Variants in ZSCAN23 observed in about 807,000 individuals in gnomAD.
The protein encoded by ZSCAN23 is zinc finger and SCAN domain containing 23.
A neutral mutation model predicts 19.3 loss-of-function variants in ZSCAN23; 19 were observed. The ratio of observed to expected loss-of-function variants is 0.99; its 90% confidence interval spans 0.69 to 1.45. The LOEUF is 1.45. Ranked by LOEUF, ZSCAN23 falls within the 40% of genes most tolerant of loss-of-function variation. The pLI is 0.00. For synonymous variants in ZSCAN23, 140 were observed against 166.2 expected, an observed-to-expected ratio of 0.84 and a Z score of 1.21; for missense variants, 372 against 462.5, an observed-to-expected ratio of 0.80 and a Z score of 1.79.
intron 1 of ZSCAN23, among the ~76,000 whole-genome samples, chr6:28,436,877 G>C (rs1761900565): frequency 6.6e-6 from 1 of 152,192 alleles, no homozygotes; most frequent in African/African-American, 2.4e-5. Context: ...TAGGTTTAAA[G>C]TGTGTAAGGT....
intron 1 of ZSCAN23, among the ~76,000 whole-genome samples, chr6:28,438,424 A>G (rs1761936109): frequency 6.6e-6 from 1 of 152,228 alleles, no homozygotes; most frequent in Non-Finnish European, 1.5e-5. Flanking sequence ...AGGTGTTGAC[A>G]TGCATTGTGA....
chr6:28,440,783 T>G (rs1761984022), intron 1 of ZSCAN23, among the ~76,000 whole-genome samples: 1 of 152,176 alleles, frequency 6.6e-6, no homozygotes, highest in Non-Finnish European at 1.5e-5. Context: ...TTTATACAGT[T>G]TCCCAAATAC....
the ZSCAN23 span, among the ~76,000 whole-genome samples, chr6:28,422,266 T>G: frequency 6.6e-6 from 1 of 152,048 alleles, no homozygotes; most frequent in Non-Finnish European, 1.5e-5. The surrounding 1 kb of genome is among the most constrained non-coding windows in gnomAD (Gnocchi z 4.0). Flanking sequence ...TTATGGCTTT[T>G]AGTTGGTAGT....
At chr6:28,441,345 G>T (rs1417512144) in intron 1 of ZSCAN23, among the ~76,000 whole-genome samples, 3 of 152,144 alleles carry the variant, frequency 2.0e-5, no homozygotes, top group Non-Finnish European at 4.4e-5. Flanking sequence ...CTCCACTCTT[G>T]GTTTCCTCTA....
At chr6:28,441,433 C>T (rs1394207457) in intron 1 of ZSCAN23, among the ~76,000 whole-genome samples, 1 of 152,160 alleles carries the variant, frequency 6.6e-6, no homozygotes, top group Non-Finnish European at 1.5e-5. Context: ...ATCCCTGCGC[C>T]ATGAGCTTGG....
At position 28,436,316 on chromosome 6, in the gene ZSCAN23, T is replaced by A; in HGVS notation, c.-50A>T. ...TAATCTATTCTTGATAATTCTCCCT[T>A]GATCTTTTCTTCTGGAAACCCCGAG... On this transcript the variant is annotated 5_prime_UTR_variant, in exon 2 of 4. Coordinates refer to ENST00000289788, the MANE Select transcript of ZSCAN23 (RefSeq NM_001012455.2). 7.0e-7 allele frequency: 1 copy of A among 1,436,026 alleles called. No homozygotes were observed. 89.0% of individuals were successfully genotyped at this position (1,436,026 alleles called of 1,614,324 possible). A position where few individuals can be genotyped will look rare whatever the true frequency, so the allele number is the denominator to read the frequency against.
At chr6:28,442,495 C>T (rs555100807) in intron 1 of ZSCAN23, among the ~76,000 whole-genome samples, 1 of 152,280 alleles carries the variant, frequency 6.6e-6, no homozygotes, top group East Asian at 1.9e-4. Context: ...ACCAATAAAA[C>T]GGCTGTTTCA....
Position 28,434,804 on chromosome 6 carries a change from A to T in ZSCAN23, c.831T>A (p.Tyr277Ter). 6.3e-7 allele frequency: 1 copy of T among 1,599,394 alleles called. No homozygotes were observed. Among genetic ancestry groups the T allele is most frequent in the African/African-American group, 1.3e-5 (1 of 74,688 alleles). ...AGGCCCGCCCACACTCATCACATTCATAAGGCTTCTCACCTGTGTGTGTTC... is the reference window on the plus strand; with the variant it reads ...AGGCCCGCCCACACTCATCACATTCTTAAGGCTTCTCACCTGTGTGTGTTC... ...HQRTHTGEKP[Y>*]ECDECGRAFS... Residue 277 changes from tyrosine (Y) to a stop codon, truncating the protein, a stop_gained, in exon 4 of 4, where the codon TAT becomes TAA. Transcript: ENST00000289788. LOFTEE classifies it low-confidence loss of function (END_TRUNC).
chr6:28,426,160 T>C, the ZSCAN23 span, among the ~76,000 whole-genome samples: 1 of 152,226 alleles, frequency 6.6e-6, no homozygotes, highest in African/African-American at 2.4e-5. Flanking sequence ...ATGTGTTCAG[T>C]GGAGTGGTTT....
chr6:28,438,344 G>GC (rs1761934721), intron 1 of ZSCAN23, among the ~76,000 whole-genome samples: 1 of 152,036 alleles, frequency 6.6e-6, no homozygotes, highest in Non-Finnish European at 1.5e-5. Flanking sequence ...TGATCCACCC[G>GC]CCTTGGCCTC....
At chr6:28,441,431 G>A (rs568484065) in intron 1 of ZSCAN23, among the ~76,000 whole-genome samples, 12 of 152,094 alleles carry the variant, frequency 7.9e-5, no homozygotes, top group African/African-American at 2.9e-4. Flanking sequence ...TCATCCCTGC[G>A]CCATGAGCTT....
chr6:28,435,764 T>C (rs75309204), intron 2 of ZSCAN23, 95 bp downstream of exon 2: 2 of 1,305,160 alleles, frequency 1.5e-6, no homozygotes, highest in Non-Finnish European at 2.0e-6. Context: ...AAGTCTGGCA[T>C]AAAAAAAAAA....
Position 28,433,930 on chromosome 6 carries a change from C to T in ZSCAN23, c.*535G>A, listed in dbSNP as rs1761814715. The T allele has an allele frequency of 6.6e-6, 1 of 152,042 alleles. No individual in the cohort carries two copies. The highest frequency in any genetic ancestry group is 1.5e-5 in the Non-Finnish European group (1 of 68,020). 9.4% of individuals were successfully genotyped at this position (152,042 alleles called of 1,614,324 possible). A position where few individuals can be genotyped will look rare whatever the true frequency, so the allele number is the denominator to read the frequency against. On this transcript the variant is annotated 3_prime_UTR_variant, in exon 4 of 4. Transcript: ENST00000289788. Reference sequence around the variant, plus strand: ...CAGTTCCTTGGTTCCTAAAGGCTAACTAAAAAATCTATAGAAATCTAACTT... The same window carrying T: ...CAGTTCCTTGGTTCCTAAAGGCTAATTAAAAAATCTATAGAAATCTAACTT...
chr6:28,425,562 C>T, the ZSCAN23 span, among the ~76,000 whole-genome samples: 1 of 152,082 alleles, frequency 6.6e-6, no homozygotes, highest in African/African-American at 2.4e-5. Context: ...CTCCTGGGCT[C>T]AGCAATCCTC....
rs940205713 is a variant in ZSCAN23, at chr6:28,437,704, C to G, written c.-77-1361G>C. Among the ~76,000 whole-genome samples, 3 of 152,090 alleles carry G rather than the reference C, an allele frequency of 2.0e-5. No homozygotes were observed. The East Asian group carries it at 5.8e-4, about 29-fold the overall frequency. On this transcript the variant is annotated intron_variant, in intron 1 of 3. Coordinates refer to ENST00000289788, the MANE Select transcript of ZSCAN23 (RefSeq NM_001012455.2). ...CCCAGTGATTTCTAAGCACCATCTT[C>G]GAGTAGAGACTTTCAAACTTTTTTG...
At chr6:28,428,371 T>C (rs1444364263), downstream of ZSCAN23, among the ~76,000 whole-genome samples, 1 of 152,214 alleles carries the variant, frequency 6.6e-6, no homozygotes, top group African/African-American at 2.4e-5. Flanking sequence ...GTGCCACACT[T>C]ACCTAATAAT....
At position 28,436,011 on chromosome 6, in the gene ZSCAN23, G is replaced by T. The variant is rs1328384443; in HGVS notation, c.256C>A (p.Gln86Lys). Residue 86 changes from glutamine to lysine, a missense_variant, in exon 2 of 4, where the codon CAG (glutamine) becomes AAG (lysine). Physicochemically the swap from Gln to Lys is moderately conservative, Grantham distance 53 (BLOSUM62 1). Coordinates refer to ENST00000289788, the MANE Select transcript of ZSCAN23 (RefSeq NM_001012455.2). ...TCCAGCACCAGCAGCTCTAGGATCT[G>T]CTCCTTGGTGTGCATCTCTGGTCTC... is the stretch of plus-strand genomic sequence containing the variant. The part of the protein sequence containing the change: ...WLRPEMHTKE[Q>K]ILELLVLEQF... The T allele has an allele frequency of 6.2e-7, 1 of 1,614,218 alleles. No individual in the cohort carries two copies. The highest frequency in any genetic ancestry group is 2.2e-5 in the East Asian group (1 of 44,878).
Position 28,435,451 on chromosome 6 carries a change from G to A in ZSCAN23, c.556+9C>T. 6.5e-7 allele frequency: 1 copy of A among 1,550,038 alleles called. No individual in the cohort carries two copies. The highest frequency in any genetic ancestry group is 8.7e-7 in the Non-Finnish European group (1 of 1,146,460). On this transcript the variant is annotated intron_variant, in intron 3 of 3. Coordinates refer to ENST00000289788, the MANE Select transcript of ZSCAN23 (RefSeq NM_001012455.2). ...GAGGTAGGCTGTCTGAGGAAATCCTGATCCTCACCAATCTCTTGAACTGGG... is the reference window on the plus strand; with the variant it reads ...GAGGTAGGCTGTCTGAGGAAATCCTAATCCTCACCAATCTCTTGAACTGGG...
At chr6:28,421,706 C>G in the ZSCAN23 span, among the ~76,000 whole-genome samples, 1 of 152,140 alleles carries the variant, frequency 6.6e-6, no homozygotes, top group South Asian at 2.1e-4. Flanking sequence ...ATGATGCAGA[C>G]AGCAAAACCC....
Sources: allele counts gnomAD v4.1 joint callset (sites outside exome capture counted in the v4.1 genomes callset), GRCh38; gene constraint gnomAD v4.1.1; non-coding constraint Gnocchi (gnomAD v3.1); transcripts MANE v1.5; gene names NCBI Gene and HGNC (gene_info 2026-07-23, HGNC 2026-07-21).